Variants in BRWD1 observed in about 807,000 individuals in gnomAD.
BRWD1 encodes the protein bromodomain and WD repeat-containing protein 1.
In BRWD1, 82 loss-of-function variants were observed where a neutral mutation model predicts 251.2. That is an observed-to-expected ratio of 0.33 (90% CI 0.27 to 0.39). The LOEUF is 0.39. Among genes scored for constraint, BRWD1 ranks in the 10% least tolerant of loss-of-function variants. BRWD1 has a pLI of 1.00. For missense variants in BRWD1, 2,233 were observed against 2,711.6 expected (o/e 0.82, Z 3.92); for synonymous variants, 918 against 902.8 (o/e 1.02, Z -0.30).
At chr21:39,297,442 C>A in intron 5 of BRWD1, 1 of 979,312 alleles carries the variant, frequency 1.0e-6, no homozygotes, top group Non-Finnish European at 1.2e-6. Context: ...TAAATCACTG[C>A]TCATCACAAA....
chr21:39,206,050 T>C, intron 37 of BRWD1, 58 bp downstream of exon 37: 1 of 1,521,172 alleles, frequency 6.6e-7, no homozygotes, highest in Non-Finnish European at 8.9e-7. Flanking sequence ...GGTGACACAG[T>C]GAGACTCTCT....
intron 13 of BRWD1, among the ~76,000 whole-genome samples, chr21:39,272,370 C>G (rs2035144304): frequency 6.8e-6 from 1 of 146,202 alleles, no homozygotes; most frequent in South Asian, 2.2e-4. Context: ...ACTAAAAATA[C>G]AAAAAAAATT....
In BRWD1 at chr21:39,196,985, G is replaced by C; in HGVS notation, c.6084C>G (p.His2028Gln). The C allele has an allele frequency of 6.2e-7, 1 of 1,614,018 alleles. No homozygotes were observed. Among genetic ancestry groups the C allele is most frequent in the Non-Finnish European group, 8.5e-7 (1 of 1,179,946 alleles). ...TGTGAATATTGGTATGCCTGTGCTT[G>C]TGTTCTGAATTCAACATATCTTCAG... Reference protein sequence around the residue: ...SDSEDMLNSEHKHRHTNIHKI... With the variant: ...SDSEDMLNSEQKHRHTNIHKI... The change falls in exon 41 of 41, where the codon CAC becomes CAG. Residue 2028 changes from histidine (H) to glutamine (Q), a missense_variant. By Grantham distance (24) the His-to-Gln change is conservative. Coordinates refer to ENST00000342449, the MANE Select transcript of BRWD1 (RefSeq NM_033656.4).
chr21:39,217,678 A>G (rs917450772), intron 31 of BRWD1, among the ~76,000 whole-genome samples: 2 of 152,212 alleles, frequency 1.3e-5, no homozygotes, highest in African/African-American at 4.8e-5. Flanking sequence ...ACTATTTACC[A>G]AGAATAATTA....
At chr21:39,317,652 A>G (rs2036711841), upstream of BRWD1, among the ~76,000 whole-genome samples, 1 of 152,268 alleles carries the variant, frequency 6.6e-6, no homozygotes, top group Non-Finnish European at 1.5e-5. Flanking sequence ...AGGATTGCAC[A>G]GCTAGCGCAT....
chr21:39,314,372 C>G, upstream of BRWD1: 1 of 455,040 alleles, frequency 2.2e-6, no homozygotes, highest in Non-Finnish European at 4.4e-6. Flanking sequence ...GTCGGGGGAG[C>G]AGCGCGCAGC....
At chr21:39,292,131 GT>G (rs201843169) in intron 8 of BRWD1, among the ~76,000 whole-genome samples, 9 of 22,714 alleles carry the variant, frequency 4.0e-4, no homozygotes, top group Admixed American at 1.0e-3. Context: ...GTGGGTGGGG[GT>G]GGGGGGGGGG....
chr21:39,303,049 C>T (rs951977374), intron 4 of BRWD1, among the ~76,000 whole-genome samples: 1 of 151,646 alleles, frequency 6.6e-6, no homozygotes. Context: ...ACAGAGACTC[C>T]GTCTCAAAAA....
chr21:39,200,429 CTT>C (rs1397574204), intron 38 of BRWD1, 43 bp from the exon 39 acceptor site: 2 of 1,536,784 alleles, frequency 1.3e-6, no homozygotes, highest in Non-Finnish European at 1.8e-6. Flanking sequence ...ATTCTCCTGT[CTT>C]TACACACATA....
upstream of BRWD1, chr21:39,314,272 G>A (rs755882168): frequency 2.6e-5 from 12 of 455,848 alleles, no homozygotes; most frequent in African/African-American, 2.4e-4. Context: ...CTGCGGCGCT[G>A]AAGGCTGCCG....
chr21:39,277,813 G>A lies in BRWD1; in HGVS notation c.1004-462C>T, dbSNP rs143176160. Among the ~76,000 whole-genome samples, 385 of 152,096 alleles carry A rather than the reference G, an allele frequency of 2.5e-3. 5 individuals are homozygous for A. The highest frequency in any genetic ancestry group is 8.5e-3 in the African/African-American group (353 of 41,468). Reference sequence around the variant, plus strand: ...ACTCCTGACCTCAGGTGATCCACCCGCCTCAGCCTCCTAAAGTGTTGGGAT... The same window carrying A: ...ACTCCTGACCTCAGGTGATCCACCCACCTCAGCCTCCTAAAGTGTTGGGAT... On this transcript the variant is annotated intron_variant, in intron 10 of 40. Coordinates refer to ENST00000342449, the MANE Select transcript of BRWD1 (RefSeq NM_033656.4).
intron 20 of BRWD1, among the ~76,000 whole-genome samples, chr21:39,249,779 T>A (rs940459096): frequency 1.3e-5 from 2 of 152,166 alleles, no homozygotes; most frequent in Non-Finnish European, 2.9e-5. Flanking sequence ...TAGGTTAACA[T>A]GTAGGTGGGC....
At chr21:39,241,283 T>C (rs1460933055) in intron 21 of BRWD1, among the ~76,000 whole-genome samples, 1 of 151,008 alleles carries the variant, frequency 6.6e-6, no homozygotes, top group Non-Finnish European at 1.5e-5. Flanking sequence ...ATGGCCAACA[T>C]GGTGAAACCC....
intron 5 of BRWD1, chr21:39,297,042 A>G (rs1424923466): frequency 4.1e-6 from 4 of 985,280 alleles, no homozygotes; most frequent in Non-Finnish European, 3.6e-6. Flanking sequence ...CCTCTACTGA[A>G]GAGCACATAC....
intron 2 of BRWD1, 45 bp downstream of exon 2, chr21:39,313,196 C>T: frequency 1.3e-6 from 2 of 1,517,940 alleles, no homozygotes; most frequent in Non-Finnish European, 1.8e-6. Flanking sequence ...GCGGCGGGGA[C>T]ACTGGGGACG....
In BRWD1 at chr21:39,188,815, T is replaced by C. The variant is rs571920809; in HGVS notation, c.*7444A>G. On this transcript the variant is annotated 3_prime_UTR_variant, in exon 41 of 41. Transcript: ENST00000342449. Reference sequence around the variant, plus strand: ...CATCAGTTCCTTTTGCCAACTAACTTATGTGATTCACATGTTTTTCCAGTG... The same window carrying C: ...CATCAGTTCCTTTTGCCAACTAACTCATGTGATTCACATGTTTTTCCAGTG... The C allele has an allele frequency of 1.0e-6, 1 of 985,438 alleles. No individual in the cohort carries two copies. The highest frequency in any genetic ancestry group is 1.7e-5 in the African/African-American group (1 of 57,372). 61.0% of individuals were successfully genotyped at this position (985,438 alleles called of 1,614,324 possible). A position where few individuals can be genotyped will look rare whatever the true frequency, so the allele number is the denominator to read the frequency against.
rs1156417548 is a variant in BRWD1 at position 39,197,285 on chromosome 21, A to G, written c.5784T>C (p.Thr1928=). The G allele has an allele frequency of 1.2e-6, 2 of 1,614,048 alleles. No homozygotes were observed. The highest frequency in any genetic ancestry group is 2.2e-5 in the East Asian group (1 of 44,880). The stretch of plus-strand genomic sequence containing the variant: ...TGGCAGCCGTAGCTGCACATCTTCG[A>G]GTAATCCTCAGGAGACCTGTTCTGG... ...SKARTGLLRI[T]RRCAATAANK... The change falls in exon 41 of 41, where the codon ACT becomes ACC. Residue 1928 remains threonine, a synonymous_variant. Transcript: ENST00000342449.
In BRWD1 at chr21:39,278,818, A is replaced by G. The variant is rs780986590; in HGVS notation, c.933-5T>C. 2.4e-5 allele frequency: 38 copies of G among 1,576,614 alleles called. No homozygotes were observed. Among genetic ancestry groups the G allele is most frequent in the Non-Finnish European group, 3.0e-5 (35 of 1,165,188 alleles). ...GTGAACTTCAGGGGACGTGGGCTTT[A>G]AAAGAAGAAGATGCTGCTTTAAAAT... On this transcript the variant is annotated splice_region_variant and splice_polypyrimidine_tract_variant and intron_variant, in intron 9 of 40. Transcript: ENST00000342449.
chr21:39,225,010 C>T, intron 28 of BRWD1, 76 bp downstream of exon 28: 2 of 1,119,064 alleles, frequency 1.8e-6, no homozygotes, highest in Non-Finnish European at 2.7e-6. Context: ...TTTTAAAAAC[C>T]AGAAATGTAT....
Sources: allele counts gnomAD v4.1 joint callset (sites outside exome capture counted in the v4.1 genomes callset), GRCh38; gene constraint gnomAD v4.1.1; transcripts MANE v1.5; gene names NCBI Gene and HGNC (gene_info 2026-07-23, HGNC 2026-07-21).